Variants in NMNAT2 observed in about 807,000 individuals in gnomAD.
NMNAT2 encodes nicotinamide/nicotinic acid mononucleotide adenylyltransferase 2.
A neutral mutation model predicts 41.6 loss-of-function variants in NMNAT2; 11 were observed. The ratio of observed to expected loss-of-function variants is 0.26; its 90% CI spans 0.17 to 0.44. The LOEUF is 0.44. NMNAT2 is among the 20% of genes least tolerant of loss of function. NMNAT2 has a pLI of 1.00. For synonymous variants in NMNAT2, 148 were observed against 151.2 expected, an observed-to-expected ratio of 0.98 and a Z score of 0.16; for missense variants, 288 against 407.7, an observed-to-expected ratio of 0.71 and a Z score of 2.53.
At chr1:183,361,247 A>G (rs1187647285) in intron 1 of NMNAT2, among the ~76,000 whole-genome samples, 1 of 152,172 alleles carries the variant, frequency 6.6e-6, no homozygotes, top group African/African-American at 2.4e-5. Context: ...TACTCACATC[A>G]GGGGACCCTT....
At position 183,350,051 on chromosome 1, in the gene NMNAT2, T is replaced by C. The variant is rs534934190; in HGVS notation, c.86-56258A>G. On this transcript the variant is annotated intron_variant, in intron 1 of 10. Coordinates refer to ENST00000287713, the MANE Select transcript of NMNAT2 (RefSeq NM_015039.4). ...ACCAGGCCACTATCCCACACATTCA[T>C]ACATTGAAACCCTGCTGTGCACCAG... Among the ~76,000 whole-genome samples, 135 of 152,298 alleles carry C rather than the reference T, an allele frequency of 8.9e-4. 1 individual carries two copies. The highest frequency in any genetic ancestry group is 1.0e-3 in the Non-Finnish European group (68 of 68,028).
At chr1:183,359,494 G>A (rs138494378) in intron 1 of NMNAT2, among the ~76,000 whole-genome samples, 158 of 152,292 alleles carry the variant, frequency 1.0e-3, no homozygotes, top group African/African-American at 3.7e-3. Context: ...GACACCAGCA[G>A]TCTTCACCTC....
At chr1:183,382,403 C>T (rs1178476255) in intron 1 of NMNAT2, among the ~76,000 whole-genome samples, 2 of 152,208 alleles carry the variant, frequency 1.3e-5, no homozygotes, top group African/African-American at 4.8e-5. Flanking sequence ...CCTCCCAAAT[C>T]TCAAGTCCTT....
At chr1:183,285,505 G>GC (rs1321949596) in intron 5 of NMNAT2, among the ~76,000 whole-genome samples, 2 of 152,114 alleles carry the variant, frequency 1.3e-5, no homozygotes, top group Non-Finnish European at 2.9e-5. Flanking sequence ...AATTTTCTGA[G>GC]CCCCCCACAT....
chr1:183,417,604 C>T (rs76675211), intron 1 of NMNAT2, among the ~76,000 whole-genome samples: 2 of 152,190 alleles, frequency 1.3e-5, no homozygotes, highest in Admixed American at 6.5e-5. Flanking sequence ...GGGCAATACA[C>T]GGCCCACAAT....
At chr1:183,332,340 T>G (rs1662602824) in intron 1 of NMNAT2, among the ~76,000 whole-genome samples, 1 of 152,190 alleles carries the variant, frequency 6.6e-6, no homozygotes, top group Non-Finnish European at 1.5e-5. Context: ...ATAGACAACT[T>G]TGTCTTACCT....
rs573261758 is a variant in NMNAT2, at chr1:183,390,942, C to A, written c.85+27241G>T. Among the ~76,000 whole-genome samples, 530 of 152,250 alleles carry A rather than the reference C, an allele frequency of 3.5e-3. 3 individuals carry two copies. The highest frequency in any genetic ancestry group is 0.024 in the Middle Eastern group (7 of 294). ...TGGGGTGATGCACGTGAGTTTCAGG[C>A]AAAACTTATGCCTAAAAATTAACAC... On this transcript the variant is annotated intron_variant, in intron 1 of 10. Coordinates refer to ENST00000287713, the MANE Select transcript of NMNAT2 (RefSeq NM_015039.4).
At chr1:183,327,282 C>T (rs953466112) in intron 1 of NMNAT2, among the ~76,000 whole-genome samples, 1 of 152,198 alleles carries the variant, frequency 6.6e-6, no homozygotes, top group Non-Finnish European at 1.5e-5. Context: ...TCTCGAACTC[C>T]TGACCTCAAG....
At chr1:183,261,645 G>A (rs779145945) in intron 8 of NMNAT2, among the ~76,000 whole-genome samples, 18 of 152,260 alleles carry the variant, frequency 1.2e-4, no homozygotes, top group Middle Eastern at 3.4e-3. Context: ...ATGACATTGC[G>A]TCCTTACCTG....
At chr1:183,385,058 A>G (rs1271512707) in intron 1 of NMNAT2, among the ~76,000 whole-genome samples, 1 of 151,848 alleles carries the variant, frequency 6.6e-6, no homozygotes, top group African/African-American at 2.4e-5. Context: ...AAAATAAAAA[A>G]AATTAAAAAT....
chr1:183,292,661 GCTAATAT>G, intron 3 of NMNAT2, 122 bp downstream of exon 3: 1 of 797,572 alleles, frequency 1.3e-6, no homozygotes, highest in East Asian at 2.7e-5. Context: ...CCTCCACAAG[GCTAATAT>G]CTTGCCCCTG....
chr1:183,383,677 G>C (rs1241212097), intron 1 of NMNAT2, among the ~76,000 whole-genome samples: 1 of 152,142 alleles, frequency 6.6e-6, no homozygotes, highest in Non-Finnish European at 1.5e-5. Context: ...CAAATCCCTA[G>C]GGCAGGGGCA....
intron 10 of NMNAT2, among the ~76,000 whole-genome samples, chr1:183,257,066 A>G (rs1247655168): frequency 4.0e-5 from 6 of 151,690 alleles, no homozygotes; most frequent in Admixed American, 2.6e-4. Context: ...TGGTGTCTTT[A>G]TCTGGCTTAG....
At chr1:183,388,201 C>T (rs978372504) in intron 1 of NMNAT2, among the ~76,000 whole-genome samples, 1 of 152,164 alleles carries the variant, frequency 6.6e-6, no homozygotes, top group African/African-American at 2.4e-5. Context: ...GGCTCTCCTA[C>T]CTTAGCGAGG....
At chr1:183,368,271 G>A (rs893913686) in intron 1 of NMNAT2, among the ~76,000 whole-genome samples, 4 of 152,178 alleles carry the variant, frequency 2.6e-5, no homozygotes, top group African/African-American at 9.7e-5. Context: ...GGGCTTTGCA[G>A]AGCAAGTCCC....
chr1:183,321,921 C>T (rs1013127496), intron 1 of NMNAT2, among the ~76,000 whole-genome samples: 4 of 151,956 alleles, frequency 2.6e-5, no homozygotes, highest in African/African-American at 7.3e-5. Flanking sequence ...TGGGCTCAAG[C>T]GAACCTCCCA....
chr1:183,331,310 T>G (rs1184487263), intron 1 of NMNAT2, among the ~76,000 whole-genome samples: 1 of 152,164 alleles, frequency 6.6e-6, no homozygotes, highest in Non-Finnish European at 1.5e-5. Context: ...AAGCCTGTTT[T>G]TCAGCTCACA....
At chr1:183,296,423 A>C (rs1156995947) in intron 1 of NMNAT2, among the ~76,000 whole-genome samples, 2 of 152,192 alleles carry the variant, frequency 1.3e-5, no homozygotes, top group East Asian at 3.9e-4. Context: ...TATTCCTACC[A>C]GGAATGAATG....
At chr1:183,314,415 C>G (rs1662195946) in intron 1 of NMNAT2, among the ~76,000 whole-genome samples, 1 of 152,204 alleles carries the variant, frequency 6.6e-6, no homozygotes, top group Non-Finnish European at 1.5e-5. Context: ...CCATACATGC[C>G]ACTGTAATAA....
Sources: gnomAD v4.1 joint callset for allele counts (sites outside exome capture counted in the v4.1 genomes callset) on GRCh38, gnomAD v4.1.1 for gene constraint, MANE v1.5 for transcripts, NCBI Gene and HGNC (gene_info 2026-07-23, HGNC 2026-07-21) for gene names.